NOX5: variants seen among roughly 807,000 people sequenced by gnomAD.
The protein encoded by NOX5 is NADPH oxidase, EF-hand calcium binding domain 5.
NOX5 carries 76 observed loss-of-function variants against 85.7 expected under a neutral mutation model. The observed-to-expected ratio is 0.89, with a 90% confidence interval of 0.74 to 1.07. The LOEUF (loss-of-function observed/expected upper bound fraction) is 1.07, where lower values mean the gene tolerates loss of function less well. Among genes scored for constraint, NOX5 ranks in the 50% least tolerant of loss-of-function variants. The pLI is 0.00. For missense variants in NOX5, 973 were observed against 999.5 expected, an observed-to-expected ratio of 0.97 and a Z score of 0.36; for synonymous variants, 405 against 401.4, an observed-to-expected ratio of 1.01 and a Z score of -0.11.
intron 14 of NOX5, among the ~76,000 whole-genome samples, chr15:69,050,515 C>T (rs2050734774): frequency 6.6e-6 from 1 of 152,134 alleles, no homozygotes; most frequent in Non-Finnish European, 1.5e-5. Flanking sequence ...CTCAGTCTCC[C>T]AAGTAGCTGG....
At chr15:69,018,991 T>G (rs2050265733) in intron 1 of NOX5, among the ~76,000 whole-genome samples, 1 of 152,128 alleles carries the variant, frequency 6.6e-6, no homozygotes, top group Non-Finnish European at 1.5e-5. Flanking sequence ...GCTGCTAGAG[T>G]AGCTGGGATC....
intron 14 of NOX5, among the ~76,000 whole-genome samples, chr15:69,049,397 C>T (rs1169546785): frequency 2.6e-5 from 4 of 151,668 alleles, no homozygotes. Context: ...CCTTATATTG[C>T]CCAGGCTAAT....
At chr15:69,032,089 A>G (rs2050442717) in intron 4 of NOX5, among the ~76,000 whole-genome samples, 2 of 152,366 alleles carry the variant, frequency 1.3e-5, no homozygotes, top group South Asian at 4.1e-4. Flanking sequence ...CTCGTTTTAC[A>G]AAAGGAAATT....
At chr15:69,029,055 A>C (rs981949146) in intron 3 of NOX5, 1 of 152,186 alleles carries the variant, frequency 6.6e-6, no homozygotes, top group Non-Finnish European at 1.5e-5. Context: ...AATTAAGTAC[A>C]TTCACATTGC....
At position 69,033,115 on chromosome 15, in the gene NOX5, C is replaced by T; in HGVS notation, c.693C>T (p.Tyr231=). ...PRRPRQLTRA[Y]WHNHRSQLFC... ...GGCCGCGCCAGCTGACCCGCGCCTA[C>T]TGGCACAACCACCGCAGCCAGCTGT... Residue 231 remains tyrosine, a synonymous_variant, in exon 5 of 16, where the codon TAC becomes TAT. Transcript: ENST00000388866. The T allele has an allele frequency of 1.3e-6, 2 of 1,559,174 alleles. No individual in the cohort carries two copies. The highest frequency in any genetic ancestry group is 1.7e-6 in the Non-Finnish European group (2 of 1,158,656).
intron 8 of NOX5, 56 bp downstream of exon 8, chr15:69,037,266 G>T (rs1404482851): frequency 1.3e-6 from 2 of 1,527,878 alleles, no homozygotes; most frequent in Admixed American, 1.9e-5. Flanking sequence ...GGGACAGTTT[G>T]TGGGGTGGAG....
chr15:69,023,025 CCTGCTT>C (rs2050313462), intron 1 of NOX5: 1 of 483,320 alleles, frequency 2.1e-6, no homozygotes, highest in Non-Finnish European at 4.2e-6. Flanking sequence ...GTTCCATGGG[CCTGCTT>C]AAGAGGGCTT....
chr15:69,049,283 C>A (rs1287903844), intron 14 of NOX5, among the ~76,000 whole-genome samples: 3 of 151,880 alleles, frequency 2.0e-5, no homozygotes, highest in Non-Finnish European at 4.4e-5. Context: ...CCTCCACCTC[C>A]CAGGCTCAAG....
rs1171601408 is a variant in NOX5 at position 69,056,696 on chromosome 15, G to A, written c.2298G>A (p.Ter766=). ...TCAGATTTTTCCAAGAGAATTTCTA[G>A]CCTCACCTCTCCAAGCTCTGCCCCA... The part of the protein sequence containing the change: ...FGFRFFQENF[*] Residue 766 remains the stop codon, a stop_retained_variant, in exon 16 of 16, where the codon TAG becomes TAA. Transcript: ENST00000388866. 6.2e-7 allele frequency: 1 copy of A among 1,613,516 alleles called. No individual in the cohort carries two copies. The highest frequency in any genetic ancestry group is 1.7e-5 in the Admixed American group (1 of 60,008).
At chr15:69,053,218 G>T (rs184085231) in intron 14 of NOX5, among the ~76,000 whole-genome samples, 2 of 152,292 alleles carry the variant, frequency 1.3e-5, no homozygotes, top group East Asian at 1.9e-4. Context: ...CCCTTAATAG[G>T]TATAGGACCT....
At chr15:69,022,651 C>T (rs1476689087) in intron 1 of NOX5, 1 of 188,218 alleles carries the variant, frequency 5.3e-6, no homozygotes, top group East Asian at 1.8e-4. Context: ...CTCAGAAGCT[C>T]TTCAGCTTCC....
intron 2 of NOX5, among the ~76,000 whole-genome samples, chr15:69,027,540 C>T (rs1342581775): frequency 6.6e-6 from 1 of 152,084 alleles, no homozygotes. Context: ...AGGGTCCTCC[C>T]CCTGCCTTGA....
In NOX5 at chr15:69,028,255, A is replaced by C; in HGVS notation, c.215A>C (p.Asp72Ala). The C allele has an allele frequency of 1.2e-6, 2 of 1,613,092 alleles. No homozygotes were observed. Among genetic ancestry groups the C allele is most frequent in the Non-Finnish European group, 1.7e-6 (2 of 1,179,532 alleles). The stretch of plus-strand genomic sequence containing the variant: ...CGATTCTTTGCCCTATTTGACTCCG[A>C]TAGAAGTGGCACCATCACCCTCCAG... The part of the protein sequence containing the change: ...AERFFALFDS[D>A]RSGTITLQEL... Residue 72 changes from aspartate (D) to alanine (A), a missense_variant, in exon 3 of 16, where the codon GAT (aspartate) becomes GCT (alanine). By Grantham distance (126) the Asp-to-Ala change is moderately radical (BLOSUM62 -2). Coordinates refer to ENST00000388866, the MANE Select transcript of NOX5 (RefSeq NM_024505.4).
At position 69,033,196 on chromosome 15, in the gene NOX5, C is replaced by T. The variant is rs747948199; in HGVS notation, c.774C>T (p.Ser258=). Residue 258 remains serine, a synonymous_variant, in exon 5 of 16, where the codon AGC becomes AGT. Transcript: ENST00000388866. ...TGCTGCTCTTCGGGCTGGCGGCCAGCGCGCACCGGGACCTCGGCGCCAGCG... is the reference window on the plus strand; with the variant it reads ...TGCTGCTCTTCGGGCTGGCGGCCAGTGCGCACCGGGACCTCGGCGCCAGCG... ...LHVLLFGLAA[S]AHRDLGASVM... is the part of the protein sequence containing the mutation. The T allele has an allele frequency of 3.1e-6, 5 of 1,594,340 alleles. No homozygotes were observed. The highest frequency in any genetic ancestry group is 1.7e-5 in the Admixed American group (1 of 59,266).
intron 10 of NOX5, among the ~76,000 whole-genome samples, chr15:69,043,788 T>C (rs947749867): frequency 6.6e-6 from 1 of 152,160 alleles, no homozygotes; most frequent in African/African-American, 2.4e-5. Context: ...TCTGCCACTA[T>C]AAATTGGCGC....
At chr15:69,038,759 TGGA>T in intron 8 of NOX5, 95 bp from the exon 9 acceptor site, 4 of 1,543,962 alleles carry the variant, frequency 2.6e-6, no homozygotes, top group African/African-American at 1.4e-5. Flanking sequence ...GCCTGTTTTA[TGGA>T]GGAGGAGGGC....
chr15:69,049,131 A>G lies in NOX5; in HGVS notation c.1999+73A>G, dbSNP rs1310818930. ...TTCAGCTTCTTTAAAAAAATAATTT[A>G]TTGATATGAAACTCACGTAACCTAA... On this transcript the variant is annotated intron_variant, in intron 14 of 15. Transcript: ENST00000388866. 9 of 915,354 alleles carry G rather than the reference A, an allele frequency of 9.8e-6. No individual in the cohort carries two copies. In the Admixed American group the frequency reaches 1.1e-4, roughly 11 times the overall value. The allele number at this position is 915,354 out of a possible 1,614,324, so 56.7% of individuals were successfully genotyped here.
chr15:69,026,920 G>C (rs550659546), intron 2 of NOX5, among the ~76,000 whole-genome samples: 1 of 152,316 alleles, frequency 6.6e-6, no homozygotes, highest in African/African-American at 2.4e-5. Flanking sequence ...CTCATGGGCA[G>C]AGCTGATGCT....
At chr15:69,042,364 C>A (rs1420468837) in intron 9 of NOX5, among the ~76,000 whole-genome samples, 1 of 152,214 alleles carries the variant, frequency 6.6e-6, no homozygotes, top group African/African-American at 2.4e-5. Context: ...ATGAAGGTGG[C>A]AGAGTCCCTG....
Sources: gnomAD v4.1 joint callset for allele counts (sites outside exome capture counted in the v4.1 genomes callset) on GRCh38, gnomAD v4.1.1 for gene constraint, MANE v1.5 for transcripts, NCBI Gene and HGNC (gene_info 2026-07-23, HGNC 2026-07-21) for gene names.